Variants in TATDN2 observed in about 807,000 individuals in gnomAD.
The protein encoded by TATDN2 is TatD DNase domain containing 2.
TATDN2 carries 44 observed loss-of-function variants against 60.3 expected under a neutral mutation model. That is an observed-to-expected ratio of 0.73 (90% CI 0.57 to 0.94). The LOEUF is 0.94. Among genes scored for constraint, TATDN2 ranks in the 40% least tolerant of loss-of-function variants. The pLI, the probability that TATDN2 is intolerant of heterozygous loss-of-function variation, is 0.00. For missense variants in TATDN2, 997 were observed against 948.0 expected, an observed-to-expected ratio of 1.05 and a Z score of -0.68; for synonymous variants, 399 against 355.8, an observed-to-expected ratio of 1.12 and a Z score of -1.37.
rs373027780 is a variant in TATDN2 at position 10,274,256 on chromosome 3, T to C, written c.1834-2105T>C. Among the ~76,000 whole-genome samples, 40 of 152,328 alleles carry C rather than the reference T, an allele frequency of 2.6e-4. No individual in the cohort carries two copies. The East Asian group carries it at 3.3e-3, about 12-fold the overall frequency. ...AACATTTTTGAAATCTGGATGTGTT[T>C]CATGAAACATTATAAATGTAATGTT... On this transcript the variant is annotated intron_variant, in intron 4 of 7. Coordinates refer to ENST00000448281, the MANE Select transcript of TATDN2 (RefSeq NM_014760.4).
chr3:10,256,280 CCTT>C lies in TATDN2; in HGVS notation c.415-3854_415-3852del, dbSNP rs536511710. 4.2e-3 allele frequency among the ~76,000 whole-genome samples: 646 copies of C among 152,166 alleles called. 6 individuals are homozygous for C. The highest frequency in any genetic ancestry group is 0.015 in the African/African-American group (614 of 41,518). On this transcript the variant is annotated intron_variant, in intron 2 of 7. Coordinates refer to ENST00000448281, the MANE Select transcript of TATDN2 (RefSeq NM_014760.4). The stretch of plus-strand genomic sequence containing the variant: ...CCTTGACCTTCCACACTCAAGCAAT[CCTT>C]CTGTCTCAGCTCCTGGAGTAGCTGG...
rs776614753 is a variant in TATDN2, at chr3:10,249,544, C to T, written c.344C>T (p.Ser115Phe). Reference protein sequence around the residue: ...NTRGFLSSGGSPLRPANASLE... With the variant: ...NTRGFLSSGGFPLRPANASLE... ...CGGGGGTTCCTGTCTTCAGGGGGAT[C>T]CCCTCTGCGTCCTGCCAACGCCTCT... The change falls in exon 2 of 8, where the codon TCC becomes TTC. Residue 115 changes from serine (S) to phenylalanine (F), a missense_variant. By Grantham distance (155) the Ser-to-Phe change is radical. Coordinates refer to ENST00000448281, the MANE Select transcript of TATDN2 (RefSeq NM_014760.4). 3 of 1,589,286 alleles carry T rather than the reference C, an allele frequency of 1.9e-6. No homozygotes were observed. The Admixed American group carries it at 5.3e-5, about 28-fold the overall frequency.
chr3:10,276,579 A>G (rs1698641080), intron 5 of TATDN2, 91 bp downstream of exon 5: 58 of 1,506,042 alleles, frequency 3.9e-5, no homozygotes, highest in Non-Finnish European at 4.7e-5. Context: ...CTGTCATTAT[A>G]CACTATCTAT....
chr3:10,269,306 A>G (rs1161244941), intron 3 of TATDN2, among the ~76,000 whole-genome samples: 1 of 152,216 alleles, frequency 6.6e-6, no homozygotes, highest in East Asian at 1.9e-4. Flanking sequence ...CTTCTGTTGC[A>G]TTCTTTTGGC....
intron 2 of TATDN2, among the ~76,000 whole-genome samples, chr3:10,258,347 G>A (rs9829065): frequency 4.6e-5 from 7 of 151,838 alleles, no homozygotes; most frequent in African/African-American, 1.7e-4. Flanking sequence ...GCATGATCTC[G>A]GCTTACTGCA....
rs1698170697 is a variant in TATDN2 at position 10,248,729 on chromosome 3, T to TCTGGCCCTGGC, written c.-342_-332dup. On this transcript the variant is annotated 5_prime_UTR_variant, in exon 1 of 8. Transcript: ENST00000448281. ...AGCAGGGCGGGCTGCGGCGCCCGGG[T>TCTGGCCCTGGC]CTGGCCCTGGCCTACGGGCTAAGCG... 6.6e-6 allele frequency: 1 copy of TCTGGCCCTGGC among 152,174 alleles called. No individual in the cohort carries two copies. The highest frequency in any genetic ancestry group is 2.4e-5 in the African/African-American group (1 of 41,418). The allele number at this position is 152,174 out of a possible 1,614,324, so 9.4% of individuals were successfully genotyped here.
chr3:10,278,130 C>A lies in TATDN2; in HGVS notation c.1962-149C>A. ...TCGGGGCTTCCTGTGTTGGAGCCAG[C>A]CCTTGTCTGTGTTTACTGTGGAGTC... On this transcript the variant is annotated intron_variant, in intron 5 of 7. Coordinates refer to ENST00000448281, the MANE Select transcript of TATDN2 (RefSeq NM_014760.4). This position sits in a 1 kb window ranked among gnomAD's most constrained non-coding sequence, Gnocchi z 4.7. The A allele has an allele frequency of 1.1e-6, 1 of 918,300 alleles. No homozygotes were observed. The highest frequency in any genetic ancestry group is 1.7e-6 in the Non-Finnish European group (1 of 605,014). The allele number at this position is 918,300 out of a possible 1,614,324, so 56.9% of individuals were successfully genotyped here. A position where few individuals can be genotyped will look rare whatever the true frequency, so the allele number is the denominator to read the frequency against.
chr3:10,278,300 C>T lies in TATDN2; in HGVS notation c.1983C>T (p.Tyr661=), dbSNP rs753441241. ...CCAGGCATTGCTTCACCGGCAGCTA[C>T]CCGGTCATTGAGCCCCTGCTGAAGT... The part of the protein sequence containing the change: ...KIHRHCFTGS[Y]PVIEPLLKYF... Residue 661 remains tyrosine, a synonymous_variant, in exon 6 of 8, where the codon TAC becomes TAT. Coordinates refer to ENST00000448281, the MANE Select transcript of TATDN2 (RefSeq NM_014760.4). This position sits in a 1 kb window ranked among gnomAD's most constrained non-coding sequence, Gnocchi z 4.7. The T allele has an allele frequency of 1.1e-5, 18 of 1,613,862 alleles. No homozygotes were observed. Among genetic ancestry groups the T allele is most frequent in the Non-Finnish European group, 1.4e-5 (16 of 1,179,946 alleles).
intron 3 of TATDN2, among the ~76,000 whole-genome samples, chr3:10,267,971 A>G (rs1249714272): frequency 6.6e-6 from 1 of 152,218 alleles, no homozygotes; most frequent in Non-Finnish European, 1.5e-5. Flanking sequence ...GGTTGATGGA[A>G]ATTTTCTGTT....
At chr3:10,276,591 CTTTT>C (rs796762547) in intron 5 of TATDN2, 103 bp downstream of exon 5, 151 of 1,108,256 alleles carry the variant, frequency 1.4e-4, no homozygotes, top group Admixed American at 1.6e-4. Flanking sequence ...ACTATCTATT[CTTTT>C]TTTTTTTTTT....
intron 4 of TATDN2, 130 bp downstream of exon 4, chr3:10,271,145 T>C: frequency 8.5e-7 from 1 of 1,176,040 alleles, no homozygotes; most frequent in Non-Finnish European, 1.1e-6. Flanking sequence ...GTGCTTGCTC[T>C]CATCCAGACC....
At position 10,267,823 on chromosome 3, in the gene TATDN2, T is replaced by G. The variant is rs1396674038; in HGVS notation, c.949-2308T>G. ...GTGTTACTGTATATGATAAACATTTTAACTTTCAGGTGCACCTATACAAAA... is the reference window on the plus strand; with the variant it reads ...GTGTTACTGTATATGATAAACATTTGAACTTTCAGGTGCACCTATACAAAA... On this transcript the variant is annotated intron_variant, in intron 3 of 7. Coordinates refer to ENST00000448281, the MANE Select transcript of TATDN2 (RefSeq NM_014760.4). 3.9e-5 allele frequency among the ~76,000 whole-genome samples: 6 copies of G among 152,246 alleles called. No individual in the cohort carries two copies. In the East Asian group the frequency reaches 9.6e-4, roughly 24 times the overall value.
intron 5 of TATDN2, 93 bp downstream of exon 5, chr3:10,276,581 A>C: frequency 4.7e-6 from 7 of 1,483,934 alleles, no homozygotes; most frequent in Admixed American, 2.2e-5. Context: ...GTCATTATAC[A>C]CTATCTATTC....
chr3:10,275,007 T>TTTTCTTTTTTTTTTTTTTCTGGTTGG (rs1698614120), intron 4 of TATDN2, among the ~76,000 whole-genome samples: 1 of 151,328 alleles, frequency 6.6e-6, no homozygotes. Context: ...TTTTTTTTTT[T>TTTTCTTTTTTTTTTTTTTCTGGTTGG]GGAGACAGTC....
At chr3:10,272,786 G>A (rs1698585384) in intron 4 of TATDN2, among the ~76,000 whole-genome samples, 1 of 151,742 alleles carries the variant, frequency 6.6e-6, no homozygotes, top group African/African-American at 2.4e-5. Flanking sequence ...TGTAATCCCA[G>A]CACTTTGGGA....
intron 4 of TATDN2, among the ~76,000 whole-genome samples, chr3:10,271,590 C>T (rs1291360076): frequency 6.6e-6 from 1 of 152,178 alleles, no homozygotes; most frequent in Non-Finnish European, 1.5e-5. Flanking sequence ...AGGCATGAGC[C>T]ACTGCGCCTG....
intron 3 of TATDN2, among the ~76,000 whole-genome samples, chr3:10,266,018 ATCT>A (rs1698470814): frequency 6.6e-6 from 1 of 152,010 alleles, no homozygotes; most frequent in South Asian, 2.1e-4. Context: ...TGGCCATCTG[ATCT>A]TCTTGGCTGA....
chr3:10,254,756 T>G (rs941461283), intron 2 of TATDN2, among the ~76,000 whole-genome samples: 1 of 152,144 alleles, frequency 6.6e-6, no homozygotes, highest in African/African-American at 2.4e-5. Context: ...CACTTATCTT[T>G]CCTTCTTTCC....
Position 10,270,346 on chromosome 3 carries a change from C to T in TATDN2, c.1164C>T (p.Ser388=). The T allele has an allele frequency of 6.2e-7, 1 of 1,614,178 alleles. No individual in the cohort carries two copies. Among genetic ancestry groups the T allele is most frequent in the Non-Finnish European group, 8.5e-7 (1 of 1,180,024 alleles). The change falls in exon 4 of 8, where the codon AGC becomes AGT. Residue 388 remains serine (S), a synonymous_variant. Transcript: ENST00000448281. ...GTGACTACGCCAGCTATTGGACCAG[C>T]AGCCCCAAGCCTTCTAGCTACCCCT... The part of the protein sequence containing the change: ...PWCDYASYWT[S]SPKPSSYPST...
Sources: allele counts gnomAD v4.1 joint callset (sites outside exome capture counted in the v4.1 genomes callset), GRCh38; gene constraint gnomAD v4.1.1; non-coding constraint Gnocchi (gnomAD v3.1); transcripts MANE v1.5; gene names NCBI Gene and HGNC (gene_info 2026-07-23, HGNC 2026-07-21).